The following COL4A4 variants were observed in gnomAD, a reference collection of about 807,000 sequenced individuals.
COL4A4 encodes the protein collagen type IV alpha 4 chain, also known as collagen alpha-4(IV) chain.
In COL4A4, 105 loss-of-function variants were observed where a neutral mutation model predicts 192.9. The ratio of observed to expected loss-of-function variants is 0.54; its 90% CI spans 0.46 to 0.64. The LOEUF (loss-of-function observed/expected upper bound fraction) is 0.64. COL4A4 is among the 30% of genes least tolerant of loss of function. The probability of loss-of-function intolerance (pLI) is 0.00; values close to 1 mark genes in which losing one functional copy is unlikely to be tolerated. For synonymous variants in COL4A4, 762 were observed against 769.9 expected (o/e 0.99, Z 0.17); for missense variants, 1,967 against 2,169.3 (o/e 0.91, Z 1.85).
the COL4A4 span, among the ~76,000 whole-genome samples, chr2:226,984,093 A>T: frequency 7.2e-5 from 11 of 152,122 alleles, no homozygotes; most frequent in Non-Finnish European, 1.3e-4. Flanking sequence ...CCCAAGAAAG[A>T]TGTGCTTTCT....
intron 25 of COL4A4, among the ~76,000 whole-genome samples, chr2:227,074,013 C>T (rs1012121964): frequency 6.6e-6 from 1 of 151,680 alleles, no homozygotes; most frequent in African/African-American, 2.4e-5. Context: ...GAATAAGACC[C>T]CAAAAGCAAA....
chr2:227,101,477 A>T, intron 17 of COL4A4, 27 bp downstream of exon 17: 1 of 1,560,548 alleles, frequency 6.4e-7, no homozygotes, highest in Non-Finnish European at 8.8e-7. Context: ...TTTTATCAGG[A>T]TATATTAAAA....
At chr2:227,139,876 C>G (rs2063082420) in intron 4 of COL4A4, among the ~76,000 whole-genome samples, 2 of 152,048 alleles carry the variant, frequency 1.3e-5, no homozygotes, top group African/African-American at 4.8e-5. Context: ...GGATGGTGAC[C>G]CAGTAGTTAC....
intron 34 of COL4A4, among the ~76,000 whole-genome samples, chr2:227,048,903 T>C (rs1339728044): frequency 1.3e-5 from 2 of 152,224 alleles, no homozygotes; most frequent in African/African-American, 4.8e-5. Flanking sequence ...TATTATTCTT[T>C]CTGAAGAAAT....
intron 3 of COL4A4, 107 bp downstream of exon 3, chr2:227,144,409 T>C: frequency 1.1e-6 from 1 of 926,836 alleles, no homozygotes; most frequent in Admixed American, 1.9e-5. Context: ...ATTTTACAGG[T>C]AAGAAAATTG....
At chr2:227,161,596 G>C (rs1001333171) in intron 1 of COL4A4, among the ~76,000 whole-genome samples, 1 of 152,174 alleles carries the variant, frequency 6.6e-6, no homozygotes, top group African/African-American at 2.4e-5. Flanking sequence ...TGTGGCAGGT[G>C]GGGAATAGGT....
the COL4A4 span, chr2:226,988,299 C>G: frequency 6.5e-7 from 1 of 1,541,638 alleles, no homozygotes; most frequent in Non-Finnish European, 8.8e-7. Context: ...CCCTGTCCTT[C>G]CCTTCCACTG....
the COL4A4 span, among the ~76,000 whole-genome samples, chr2:226,990,807 C>T: frequency 2.8e-3 from 419 of 152,290 alleles, 1 homozygote; most frequent in African/African-American, 9.7e-3. Context: ...GAAGCATGCT[C>T]ACTGCTTCTT....
chr2:227,130,824 G>A (rs1321671882), intron 4 of COL4A4, among the ~76,000 whole-genome samples: 1 of 152,076 alleles, frequency 6.6e-6, no homozygotes, highest in Non-Finnish European at 1.5e-5. Flanking sequence ...CACCTCTCCT[G>A]GGAGGCCCGC....
intron 25 of COL4A4, among the ~76,000 whole-genome samples, chr2:227,071,881 C>A (rs544782088): frequency 7.6e-4 from 116 of 151,944 alleles, no homozygotes; most frequent in Non-Finnish European, 1.5e-3. Context: ...TTCAAAACAT[C>A]TGGAATACAG....
downstream of COL4A4, chr2:226,997,979 A>T (rs901430191): frequency 4.6e-5 from 7 of 152,264 alleles, no homozygotes; most frequent in Admixed American, 4.6e-4. Flanking sequence ...GAAAGACAAA[A>T]GCAAGTGAGC....
Position 227,040,756 on chromosome 2 carries a change from G to A in COL4A4, c.3505+1392C>T, listed in dbSNP as rs368180941. Among the ~76,000 whole-genome samples the A allele has an allele frequency of 3.4e-4, 52 of 151,922 alleles. No individual in the cohort carries two copies. In the East Asian group the frequency reaches 6.0e-3, roughly 18 times the overall value. The stretch of plus-strand genomic sequence containing the variant: ...CTTTTATATTTTTAGTAGAGATGGC[G>A]TTTCACCATGTTGGCCAGGCTGGTC... On this transcript the variant is annotated intron_variant, in intron 37 of 47. Coordinates refer to ENST00000396625, the MANE Select transcript of COL4A4 (RefSeq NM_000092.5).
At chr2:227,018,801 TGCA>T (rs1965437896) in intron 44 of COL4A4, among the ~76,000 whole-genome samples, 1 of 152,152 alleles carries the variant, frequency 6.6e-6, no homozygotes, top group Non-Finnish European at 1.5e-5. Flanking sequence ...TGTGGCCACG[TGCA>T]GCAGATGAGC....
At chr2:227,117,438 T>C (rs2061547664) in intron 7 of COL4A4, among the ~76,000 whole-genome samples, 1 of 151,998 alleles carries the variant, frequency 6.6e-6, no homozygotes, top group Non-Finnish European at 1.5e-5. Flanking sequence ...CAATGAAAGG[T>C]GGTGGATGTT....
the COL4A4 span, among the ~76,000 whole-genome samples, chr2:226,992,923 C>T: frequency 1.3e-5 from 2 of 152,174 alleles, no homozygotes; most frequent in Non-Finnish European, 2.9e-5. Context: ...TGAGATGATT[C>T]TATTGGGAGT....
chr2:226,982,248 A>G, the COL4A4 span, among the ~76,000 whole-genome samples: 2 of 152,212 alleles, frequency 1.3e-5, no homozygotes, highest in African/African-American at 2.4e-5. Flanking sequence ...TTCTCAGAGC[A>G]GTTTGTCTTC....
intron 37 of COL4A4, among the ~76,000 whole-genome samples, chr2:227,038,353 G>A (rs999599514): frequency 1.2e-4 from 18 of 152,114 alleles, no homozygotes; most frequent in Non-Finnish European, 2.2e-4. Context: ...TTTTTGTCAG[G>A]TTTGTGGAAG....
At chr2:227,087,926 G>C (rs75577094) in intron 22 of COL4A4, among the ~76,000 whole-genome samples, 4,497 of 152,136 alleles carry the variant, frequency 0.03, 95 homozygotes, top group Middle Eastern at 0.082. Context: ...ACAATCGATG[G>C]TGATGGCGTT....
rs2061393116 is a variant in COL4A4, at chr2:227,114,616, CATA to C, written c.558+9_558+11del. On this transcript the variant is annotated intron_variant, in intron 8 of 47. Transcript: ENST00000396625. ...AAAAAATTTTTTAACCCATCATGAT[CATA>C]ATACTTACCTGAATACCTTTAACGG... 1 of 1,612,154 alleles carries C rather than the reference CATA, an allele frequency of 6.2e-7. No homozygotes were observed. The highest frequency in any genetic ancestry group is 2.2e-5 in the East Asian group (1 of 44,854).
Sources: allele counts gnomAD v4.1 joint callset (sites outside exome capture counted in the v4.1 genomes callset), GRCh38; gene constraint gnomAD v4.1.1; transcripts MANE v1.5; gene names NCBI Gene and HGNC (gene_info 2026-07-23, HGNC 2026-07-21).